ATP13A5: variants seen among roughly 807,000 people sequenced by gnomAD.
ATP13A5 encodes probable cation-transporting ATPase 13A5.
In ATP13A5, 149 loss-of-function variants were observed where a neutral mutation model predicts 150.2. The ratio of observed to expected loss-of-function variants is 0.99; its 90% CI spans 0.87 to 1.14. ATP13A5 has a LOEUF of 1.14. ATP13A5 is among the 50% of genes most tolerant of loss of function. The probability of loss-of-function intolerance (pLI) is 0.00; values close to 1 mark genes in which losing one functional copy is unlikely to be tolerated. For synonymous variants in ATP13A5, 497 were observed against 522.2 expected, an observed-to-expected ratio of 0.95 and a Z score of 0.66; for missense variants, 1,383 against 1,449.3, an observed-to-expected ratio of 0.95 and a Z score of 0.74.
At chr3:193,368,720 A>G (rs1450314185) in intron 1 of ATP13A5, among the ~76,000 whole-genome samples, 1 of 152,150 alleles carries the variant, frequency 6.6e-6, no homozygotes, top group Non-Finnish European at 1.5e-5. Context: ...CAAAACGAAT[A>G]GCACTGGAAA....
chr3:193,325,106 A>C, intron 13 of ATP13A5, 92 bp from the exon 14 acceptor site: 2 of 1,290,318 alleles, frequency 1.6e-6, no homozygotes, highest in Non-Finnish European at 2.2e-6. Context: ...CAAACACCTA[A>C]CGTTCATGCT....
At chr3:193,319,377 T>C (rs1719175677) in intron 16 of ATP13A5, among the ~76,000 whole-genome samples, 1 of 152,190 alleles carries the variant, frequency 6.6e-6, no homozygotes, top group South Asian at 2.1e-4. Flanking sequence ...AAGCCTAATC[T>C]CTAATGCAAT....
At chr3:193,374,301 CAGAGAG>C (rs4019161) in intron 1 of ATP13A5, among the ~76,000 whole-genome samples, 179 of 144,332 alleles carry the variant, frequency 1.2e-3, no homozygotes, top group East Asian at 5.1e-3. Flanking sequence ...CACACACACA[CAGAGAG>C]AGAGAGAGGA....
chr3:193,352,546 G>A (rs1477217384), intron 6 of ATP13A5, among the ~76,000 whole-genome samples: 1 of 151,488 alleles, frequency 6.6e-6, no homozygotes, highest in Non-Finnish European at 1.5e-5. Flanking sequence ...GAAAATACTA[G>A]CACTCCTTTC....
chr3:193,347,525 T>TTTTCTG (rs1335667786), intron 7 of ATP13A5, among the ~76,000 whole-genome samples: 2 of 15,234 alleles, frequency 1.3e-4, no homozygotes, highest in Non-Finnish European at 2.2e-4. Context: ...CTTAGATTTC[T>TTTTCTG]TTTTTTTTTG....
intron 9 of ATP13A5, among the ~76,000 whole-genome samples, chr3:193,335,977 T>G (rs1711842723): frequency 6.6e-6 from 1 of 152,160 alleles, no homozygotes; most frequent in East Asian, 1.9e-4. Context: ...ATAAAGATGT[T>G]AATAATAATT....
intron 11 of ATP13A5, 48 bp from the exon 12 acceptor site, chr3:193,331,359 C>T: frequency 6.5e-7 from 1 of 1,540,918 alleles, no homozygotes; most frequent in Non-Finnish European, 8.8e-7. Context: ...GCACAGCAGA[C>T]TGCCACCCTT....
chr3:193,289,108 T>G (rs1717841261), intron 26 of ATP13A5, among the ~76,000 whole-genome samples: 2 of 152,176 alleles, frequency 1.3e-5, no homozygotes, highest in African/African-American at 4.8e-5. Context: ...TTTACTGATT[T>G]CTGGTGCTCT....
At chr3:193,331,924 T>C (rs927567584) in intron 11 of ATP13A5, among the ~76,000 whole-genome samples, 2 of 152,216 alleles carry the variant, frequency 1.3e-5, no homozygotes, top group Non-Finnish European at 2.9e-5. Flanking sequence ...ACTAGGTAAA[T>C]GACAGAAATC....
Position 193,276,764 on chromosome 3 carries a change from CCA to C in ATP13A5, c.3380_3381del (p.Val1127GlyfsTer13). On this transcript the variant is annotated frameshift_variant, in exon 29 of 30. Coordinates refer to ENST00000342358, the MANE Select transcript of ATP13A5 (RefSeq NM_198505.4). LOFTEE classifies it high-confidence loss of function. The part of the protein sequence containing the change: ...ILVVALTQFC[V>X]AFFVEDSILQ... ...GATTACTTTACCTCTACAAAGAAAG[CCA>C]CACAGAATTGGGTGAGGGCTACCAC... is the stretch of plus-strand genomic sequence containing the variant. 1 of 1,609,736 alleles carries C rather than the reference CCA, an allele frequency of 6.2e-7. No homozygotes were observed. The highest frequency in any genetic ancestry group is 1.3e-5 in the African/African-American group (1 of 74,908).
chr3:193,335,763 C>T (rs147209771), intron 9 of ATP13A5, among the ~76,000 whole-genome samples: 1 of 152,296 alleles, frequency 6.6e-6, no homozygotes, highest in East Asian at 1.9e-4. Flanking sequence ...GCTAGATTGT[C>T]AAAGCCTACC....
At chr3:193,276,693 GA>G (rs1717223964) in intron 29 of ATP13A5, 56 bp downstream of exon 29, 1 of 1,294,558 alleles carries the variant, frequency 7.7e-7, no homozygotes, top group Admixed American at 2.0e-5. Context: ...AGCACCTGCT[GA>G]AAATGAGATC....
intron 13 of ATP13A5, 45 bp downstream of exon 13, chr3:193,326,951 G>GT (rs1454999418): frequency 6.5e-7 from 1 of 1,543,330 alleles, no homozygotes; most frequent in Non-Finnish European, 9.0e-7. Flanking sequence ...TATCATCCAG[G>GT]TAACTCCACC....
chr3:193,316,770 C>T (rs1294293497), intron 17 of ATP13A5, among the ~76,000 whole-genome samples: 3 of 152,110 alleles, frequency 2.0e-5, no homozygotes, highest in Non-Finnish European at 4.4e-5. Context: ...TTATAGGTTG[C>T]TATTTCACTC....
intron 25 of ATP13A5, among the ~76,000 whole-genome samples, chr3:193,296,452 C>T (rs552507071): frequency 1.1e-4 from 17 of 152,054 alleles, no homozygotes; most frequent in East Asian, 1.9e-4. Context: ...ATCCTTTCCC[C>T]GTTGCTTGTT....
chr3:193,363,366 T>C lies in ATP13A5; in HGVS notation c.254A>G (p.Tyr85Cys). 6 of 1,611,636 alleles carry C rather than the reference T, an allele frequency of 3.7e-6. No homozygotes were observed. The highest frequency in any genetic ancestry group is 5.1e-6 in the Non-Finnish European group (6 of 1,178,878). The change falls in exon 3 of 30, where the codon TAT (tyrosine) becomes TGT (cysteine). Residue 85 changes from tyrosine to cysteine, a missense_variant. This residue lies in a region of ATP13A5 where 787 missense variants were observed against 771.9 expected (regional missense o/e 1.02). Transcript: ENST00000342358. ...GAGGCAGAATACCTTCTTCCTCATA[T>C]ATCTTTGAAATTCGTCCTGGAAAAG... is the stretch of plus-strand genomic sequence containing the variant. Reference protein sequence around the residue: ...LLRTTDEFQRYMRKKVFCLYL... With the variant: ...LLRTTDEFQRCMRKKVFCLYL...
intron 25 of ATP13A5, among the ~76,000 whole-genome samples, chr3:193,291,830 T>G (rs1192751624): frequency 6.6e-6 from 1 of 152,082 alleles, no homozygotes; most frequent in Non-Finnish European, 1.5e-5. Context: ...TCTCTCTTGT[T>G]TGAGACCCCT....
intron 26 of ATP13A5, among the ~76,000 whole-genome samples, chr3:193,288,039 T>C (rs1717790387): frequency 6.6e-6 from 1 of 152,114 alleles, no homozygotes; most frequent in African/African-American, 2.4e-5. Context: ...GAATTAGAAG[T>C]GGAGCCTGAA....
Position 193,359,632 on chromosome 3 carries a change from T to A in ATP13A5, c.536+2749A>T, listed in dbSNP as rs546283386. ...CACTAAATCAACGGGGAGCCTCTCT[T>A]CCCAGCTTTGCATTCAGTGATGTCA... On this transcript the variant is annotated intron_variant, in intron 5 of 29. Transcript: ENST00000342358. 2.0e-5 allele frequency among the ~76,000 whole-genome samples: 3 copies of A among 152,344 alleles called. No individual in the cohort carries two copies. In the South Asian group the frequency reaches 6.2e-4, roughly 32 times the overall value.
Sources: allele counts gnomAD v4.1 joint callset (sites outside exome capture counted in the v4.1 genomes callset), GRCh38; gene constraint gnomAD v4.1.1; regional missense constraint gnomAD v4.1.1; transcripts MANE v1.5; gene names NCBI Gene and HGNC (gene_info 2026-07-23, HGNC 2026-07-21).